Variants in PCDHA12 observed in about 807,000 individuals in gnomAD.
PCDHA12 encodes protocadherin alpha-12.
PCDHA12 carries 44 observed loss-of-function variants against 60.0 expected under a neutral mutation model. The ratio of observed to expected loss-of-function variants is 0.73; its 90% confidence interval spans 0.58 to 0.94. PCDHA12 has a LOEUF of 0.94. Ranked by LOEUF, PCDHA12 falls within the 40% of genes least tolerant of loss-of-function variation. The probability of loss-of-function intolerance (pLI) is 0.00; values close to 1 mark genes in which losing one functional copy is unlikely to be tolerated. For missense variants in PCDHA12, 1,276 were observed against 1,239.7 expected (o/e 1.03, Z -0.44); for synonymous variants, 569 against 553.0 (o/e 1.03, Z -0.40).
chr5:140,884,209 T>G (rs1159344104), intron 1 of PCDHA12: 6 of 1,613,276 alleles, frequency 3.7e-6, no homozygotes, highest in Non-Finnish European at 3.4e-6. Context: ...ACCACCGCCT[T>G]CTGGTGCTGG....
At chr5:140,927,447 G>A (rs1563092229) in intron 1 of PCDHA12, 7 of 1,613,982 alleles carry the variant, frequency 4.3e-6, no homozygotes, top group Non-Finnish European at 5.1e-6. Flanking sequence ...ACCCGGAGTT[G>A]GTGTTGGAGA....
intron 1 of PCDHA12, among the ~76,000 whole-genome samples, chr5:140,974,134 C>T (rs1212348196): frequency 1.3e-5 from 2 of 152,290 alleles, no homozygotes; most frequent in East Asian, 1.9e-4. Flanking sequence ...AATCTGCTAA[C>T]CTGAAAACTA....
chr5:140,922,876 A>G (rs782530609), intron 1 of PCDHA12, among the ~76,000 whole-genome samples: 10 of 152,234 alleles, frequency 6.6e-5, no homozygotes, highest in Non-Finnish European at 1.3e-4. Flanking sequence ...GAAAAAATCC[A>G]AAGACATCAT....
chr5:140,977,850 T>C (rs1416064195), intron 1 of PCDHA12, among the ~76,000 whole-genome samples: 5 of 152,236 alleles, frequency 3.3e-5, no homozygotes, highest in African/African-American at 1.2e-4. Flanking sequence ...TATGGCTTTG[T>C]TTCTACCAAA....
Position 141,003,903 on chromosome 5 carries a change from G to C in PCDHA12, c.2516-5724G>C, listed in dbSNP as rs150270772. Among the ~76,000 whole-genome samples, 254 of 152,194 alleles carry C rather than the reference G, an allele frequency of 1.7e-3. 1 individual carries two copies. Among genetic ancestry groups the C allele is most frequent in the Non-Finnish European group, 3.4e-3 (231 of 67,998 alleles). ...AGCCTCTTAACAGGCCCATTCATTT[G>C]GGTCTTGACTGCATCCTCAGTCTTG... On this transcript the variant is annotated intron_variant, in intron 3 of 3. Coordinates refer to ENST00000398631, the MANE Select transcript of PCDHA12 (RefSeq NM_018903.4).
intron 1 of PCDHA12, among the ~76,000 whole-genome samples, chr5:140,960,338 G>A (rs2095541394): frequency 6.6e-6 from 1 of 152,172 alleles, no homozygotes; most frequent in Admixed American, 6.5e-5. Context: ...AGTACATGAG[G>A]TGAGATATGT....
intron 1 of PCDHA12, among the ~76,000 whole-genome samples, chr5:140,937,638 C>A (rs1563161991): frequency 6.7e-6 from 1 of 150,048 alleles, no homozygotes; most frequent in East Asian, 2.1e-4. Flanking sequence ...AAAGGCAGGG[C>A]ATGGTGGCTC....
intron 1 of PCDHA12, among the ~76,000 whole-genome samples, chr5:140,924,224 T>A (rs1266072324): frequency 6.6e-6 from 1 of 152,220 alleles, no homozygotes; most frequent in Non-Finnish European, 1.5e-5. Context: ...TAAGTTCAAT[T>A]TTTATGGGCT....
chr5:141,001,567 T>A (rs116015618), intron 3 of PCDHA12, among the ~76,000 whole-genome samples: 2 of 152,294 alleles, frequency 1.3e-5, no homozygotes, highest in African/African-American at 4.8e-5. Context: ...ACGATTCTCC[T>A]GTGTTTTGTG....
At chr5:140,949,944 T>TTTAGTGG (rs2094435490) in intron 1 of PCDHA12, among the ~76,000 whole-genome samples, 1 of 151,908 alleles carries the variant, frequency 6.6e-6, no homozygotes, top group South Asian at 2.1e-4. Context: ...ATTTGCATTT[T>TTTAGTGG]TTAGTGGTTG....
At chr5:141,003,928 G>A (rs1479798792) in intron 3 of PCDHA12, among the ~76,000 whole-genome samples, 1 of 152,128 alleles carries the variant, frequency 6.6e-6, no homozygotes, top group Non-Finnish European at 1.5e-5. Context: ...CCTCAGTCTT[G>A]TCTTTGCCTG....
At chr5:140,986,696 C>G (rs2097209947) in intron 3 of PCDHA12, among the ~76,000 whole-genome samples, 2 of 152,130 alleles carry the variant, frequency 1.3e-5, no homozygotes, top group South Asian at 2.1e-4. Context: ...TCAAAACACA[C>G]AGCACTGCAG....
chr5:140,911,234 C>T (rs1554194655), intron 1 of PCDHA12, among the ~76,000 whole-genome samples: 1 of 151,890 alleles, frequency 6.6e-6, no homozygotes, highest in East Asian at 1.9e-4. Context: ...TTTCTTCTGG[C>T]AAAAAAAGTT....
At chr5:141,008,440 A>T (rs545076432) in intron 3 of PCDHA12, among the ~76,000 whole-genome samples, 196 of 152,294 alleles carry the variant, frequency 1.3e-3, no homozygotes, top group South Asian at 8.7e-3. Flanking sequence ...GCCCAGACAG[A>T]CCATTACCCT....
In PCDHA12 at chr5:140,982,326, G is replaced by T. The variant is rs1369721700; in HGVS notation, c.2427-149G>T. 1.6e-5 allele frequency: 22 copies of T among 1,411,958 alleles called. No homozygotes were observed. In the Admixed American group the frequency reaches 3.0e-4, roughly 20 times the overall value. The allele number at this position is 1,411,958 out of a possible 1,614,324, so 87.5% of individuals were successfully genotyped here. On this transcript the variant is annotated intron_variant, in intron 2 of 3. Transcript: ENST00000398631. ...CTTCTGCAGTTTATGCAGGGTGACTGCTCAGCAGTAATTGCTTCAGTTCAA... is the reference window on the plus strand; with the variant it reads ...CTTCTGCAGTTTATGCAGGGTGACTTCTCAGCAGTAATTGCTTCAGTTCAA...
chr5:140,876,840 G>C lies in PCDHA12; in HGVS notation c.1368G>C (p.Ala456=). The C allele has an allele frequency of 6.2e-7, 1 of 1,614,166 alleles. No homozygotes were observed. Among genetic ancestry groups the C allele is most frequent in the Non-Finnish European group, 8.5e-7 (1 of 1,180,004 alleles). The part of the protein sequence containing the change: ...ADVNDNAPAF[A]QPEYTVFVKE... Reference sequence around the variant, plus strand: ...TGAACGACAATGCGCCTGCGTTCGCGCAGCCCGAGTACACAGTGTTCGTGA... The same window carrying C: ...TGAACGACAATGCGCCTGCGTTCGCCCAGCCCGAGTACACAGTGTTCGTGA... The change falls in exon 1 of 4, where the codon GCG becomes GCC. Residue 456 remains alanine, a synonymous_variant. Transcript: ENST00000398631.
chr5:140,907,864 G>T (rs1033952784), intron 1 of PCDHA12, among the ~76,000 whole-genome samples: 1 of 152,202 alleles, frequency 6.6e-6, no homozygotes, highest in Non-Finnish European at 1.5e-5. Context: ...GAGGCCAGCC[G>T]TTGGTGAGCA....
chr5:140,905,947 C>T (rs1210025825), intron 1 of PCDHA12, among the ~76,000 whole-genome samples: 7 of 152,124 alleles, frequency 4.6e-5, no homozygotes, highest in African/African-American at 9.7e-5. Context: ...ACTTGGAATC[C>T]GATGTTCAAG....
At chr5:140,966,569 G>A in intron 1 of PCDHA12, 1 of 500,346 alleles carries the variant, frequency 2.0e-6, no homozygotes, top group Non-Finnish European at 3.3e-6. Flanking sequence ...TGGAATATGG[G>A]GAGTCAGCGA....
Sources: gnomAD v4.1 joint callset for allele counts (sites outside exome capture counted in the v4.1 genomes callset) on GRCh38, gnomAD v4.1.1 for gene constraint, MANE v1.5 for transcripts, NCBI Gene and HGNC (gene_info 2026-07-23, HGNC 2026-07-21) for gene names.